DAB1: variants seen among roughly 807,000 people sequenced by gnomAD.
DAB1 encodes disabled homolog 1.
In DAB1, 15 loss-of-function variants were observed where a neutral mutation model predicts 64.6. The observed-to-expected ratio is 0.23, with a 90% CI of 0.16 to 0.36. The LOEUF (loss-of-function observed/expected upper bound fraction) is 0.36, where lower values mean the gene tolerates loss of function less well. Ranked by LOEUF, DAB1 falls within the 10% of genes least tolerant of loss-of-function variation. DAB1 has a pLI of 1.00. For missense variants in DAB1, 596 were observed against 706.7 expected (o/e 0.84, Z 1.78); for synonymous variants, 235 against 251.9 (o/e 0.93, Z 0.64).
intron 6 of DAB1, among the ~76,000 whole-genome samples, chr1:57,722,748 G>T (rs1456920181): frequency 1.3e-5 from 2 of 152,180 alleles, no homozygotes; most frequent in African/African-American, 2.4e-5. Flanking sequence ...GAGTTCTCTA[G>T]AAGGAGAAAG....
intron 2 of DAB1, among the ~76,000 whole-genome samples, 171 bp from the exon 3 acceptor site, chr1:57,145,600 T>G (rs1028139344): frequency 6.6e-6 from 1 of 152,180 alleles, no homozygotes; most frequent in African/African-American, 2.4e-5. Flanking sequence ...TCTGACTCCA[T>G]CCATTTAAGT....
chr1:58,447,542 A>C (rs1394911454), intron 3 of DAB1, among the ~76,000 whole-genome samples: 1 of 152,226 alleles, frequency 6.6e-6, no homozygotes, highest in Non-Finnish European at 1.5e-5. Flanking sequence ...GGTCAGCAAA[A>C]GAAACACTGC....
At chr1:57,033,484 GACATGAAACAGTTA>G in intron 9 of DAB1, 1 of 1,612,658 alleles carries the variant, frequency 6.2e-7, no homozygotes, top group Non-Finnish European at 8.5e-7. Flanking sequence ...ATGAGAAAAT[GACATGAAACAGTTA>G]ACCAGAGAGG....
At chr1:57,263,340 G>C (rs547350491) in intron 2 of DAB1, among the ~76,000 whole-genome samples, 4 of 151,982 alleles carry the variant, frequency 2.6e-5, no homozygotes, top group Non-Finnish European at 5.9e-5. Context: ...GGCTGGTTTC[G>C]AACTCCTGAC....
chr1:57,638,492 C>T (rs917660823), intron 7 of DAB1, among the ~76,000 whole-genome samples: 2 of 151,158 alleles, frequency 1.3e-5, no homozygotes, highest in Admixed American at 6.6e-5. Flanking sequence ...CATCCTTCTC[C>T]TAGTGCTTAG....
intron 4 of DAB1, among the ~76,000 whole-genome samples, chr1:57,119,837 A>T (rs1013139950): frequency 6.6e-6 from 1 of 152,132 alleles, no homozygotes; most frequent in Non-Finnish European, 1.5e-5. Context: ...CGACCTTGGG[A>T]AACAGTTGAC....
At chr1:58,358,884 G>A (rs545509661) in intron 3 of DAB1, among the ~76,000 whole-genome samples, 21 of 64,006 alleles carry the variant, frequency 3.3e-4, no homozygotes, top group African/African-American at 6.5e-4. Context: ...CTCTCCCCCC[G>A]TCCACCTTCT....
At chr1:58,240,237 T>C (rs1660230124) in intron 4 of DAB1, among the ~76,000 whole-genome samples, 2 of 152,228 alleles carry the variant, frequency 1.3e-5, no homozygotes, top group East Asian at 3.8e-4. Flanking sequence ...CTGTTAGAAG[T>C]GGCCAGTTGA....
intron 3 of DAB1, among the ~76,000 whole-genome samples, chr1:58,395,293 T>C (rs1644511091): frequency 1.3e-5 from 2 of 152,188 alleles, no homozygotes; most frequent in Admixed American, 6.5e-5. Context: ...TTGAGGAACT[T>C]TGAGAAATTG....
intron 3 of DAB1, among the ~76,000 whole-genome samples, chr1:58,374,449 T>C (rs1170976657): frequency 6.6e-6 from 1 of 151,282 alleles, no homozygotes; most frequent in African/African-American, 2.4e-5. Context: ...CCTTTCCCCA[T>C]TGCTTGTTTT....
intron 4 of DAB1, among the ~76,000 whole-genome samples, chr1:58,235,361 A>G (rs1439170224): frequency 1.3e-5 from 2 of 152,228 alleles, no homozygotes; most frequent in African/African-American, 2.4e-5. Flanking sequence ...TTGCTGAACC[A>G]TGAAAACAAC....
intron 5 of DAB1, among the ~76,000 whole-genome samples, chr1:57,954,434 T>A (rs1189587320): frequency 6.6e-6 from 1 of 152,140 alleles, no homozygotes; most frequent in African/African-American, 2.4e-5. Context: ...TGGGTGATGA[T>A]GCCTAGGAAG....
upstream of DAB1, among the ~76,000 whole-genome samples, chr1:57,425,039 A>G (rs975957757): frequency 3.9e-5 from 6 of 152,158 alleles, no homozygotes; most frequent in African/African-American, 1.4e-4. Flanking sequence ...CGCAGAAAAT[A>G]TTGGGTCATT....
In DAB1 at chr1:57,675,590, G is replaced by A. The variant is rs550538079; in HGVS notation, n.552-25925C>T. 2.0e-3 allele frequency among the ~76,000 whole-genome samples: 297 copies of A among 152,272 alleles called. 2 individuals are homozygous for A. Among genetic ancestry groups the A allele is most frequent in the Non-Finnish European group, 2.4e-3 (164 of 68,018 alleles). ...CACTATACGACTGTTGAGCAGAAGC[G>A]AAATGAAGCATTGATAATGAATACC... On this transcript the variant is annotated intron_variant and non_coding_transcript_variant, in intron 6 of 20. Coordinates refer to the DAB1 transcript ENST00000485760.
At chr1:58,124,738 G>T (rs1161340788) in intron 5 of DAB1, among the ~76,000 whole-genome samples, 2 of 152,126 alleles carry the variant, frequency 1.3e-5, no homozygotes, top group Non-Finnish European at 2.9e-5. Flanking sequence ...GTGTGCTTAG[G>T]CCAGTGTCTT....
chr1:57,059,687 G>T (rs1298286989), intron 9 of DAB1, among the ~76,000 whole-genome samples: 1 of 151,836 alleles, frequency 6.6e-6, no homozygotes, highest in African/African-American at 2.4e-5. Context: ...GGGCAAGTGG[G>T]ATCAACTTTC....
chr1:57,139,791 G>T (rs1178808131), intron 3 of DAB1, among the ~76,000 whole-genome samples: 2 of 152,222 alleles, frequency 1.3e-5, no homozygotes, highest in Admixed American at 6.5e-5. Context: ...AGCTACCAAA[G>T]AATTCCCTGG....
At position 58,442,238 on chromosome 1, in the gene DAB1, A is replaced by T. The variant is rs186779184; in HGVS notation, n.257+63822T>A. 1.6e-4 allele frequency among the ~76,000 whole-genome samples: 25 copies of T among 152,322 alleles called. No individual in the cohort carries two copies. In the East Asian group the frequency reaches 4.8e-3, roughly 29 times the overall value. Reference sequence around the variant, plus strand: ...TGGAGGTTTCCCAAGCATCCAACTCAGGAAACTCAACTTGGTCAGTTTCAA... The same window carrying T: ...TGGAGGTTTCCCAAGCATCCAACTCTGGAAACTCAACTTGGTCAGTTTCAA... On this transcript the variant is annotated intron_variant and non_coding_transcript_variant, in intron 3 of 20. Transcript: ENST00000485760.
chr1:57,192,151 T>C (rs559945882), intron 2 of DAB1, among the ~76,000 whole-genome samples: 123 of 152,108 alleles, frequency 8.1e-4, no homozygotes, highest in African/African-American at 2.8e-3. Flanking sequence ...ACTCTGTCTC[T>C]ACTAAAAATA....
Sources: gnomAD v4.1 joint callset for allele counts (sites outside exome capture counted in the v4.1 genomes callset) on GRCh38, gnomAD v4.1.1 for gene constraint, MANE v1.5 for transcripts, NCBI Gene and HGNC (gene_info 2026-07-23, HGNC 2026-07-21) for gene names.